The following ST6GALNAC3 variants were observed in gnomAD, a reference collection of about 807,000 sequenced individuals.
ST6GALNAC3 encodes the protein alpha-N-acetylgalactosaminide alpha-2,6-sialyltransferase 3.
ST6GALNAC3 carries 25 observed loss-of-function variants against 32.7 expected under a neutral mutation model. That is an observed-to-expected ratio of 0.76 (90% CI 0.56 to 1.07). The LOEUF is 1.07. Among genes scored for constraint, ST6GALNAC3 ranks in the 50% least tolerant of loss-of-function variants. The pLI, the probability that ST6GALNAC3 is intolerant of heterozygous loss-of-function variation, is 0.00. For synonymous variants in ST6GALNAC3, 129 were observed against 133.1 expected, an observed-to-expected ratio of 0.97 and a Z score of 0.21; for missense variants, 355 against 382.4, an observed-to-expected ratio of 0.93 and a Z score of 0.60.
chr1:76,271,829 G>C (rs79412138), intron 1 of ST6GALNAC3, among the ~76,000 whole-genome samples: 3 of 152,132 alleles, frequency 2.0e-5, no homozygotes, highest in Admixed American at 2.0e-4. Flanking sequence ...TGGCAGTAGA[G>C]GTGGTGAGAA....
chr1:76,315,420 C>G (rs1442339648), intron 2 of ST6GALNAC3, among the ~76,000 whole-genome samples: 1 of 152,034 alleles, frequency 6.6e-6, no homozygotes, highest in Non-Finnish European at 1.5e-5. Context: ...TATCAAAGAC[C>G]CTTTCATTTC....
intron 3 of ST6GALNAC3, among the ~76,000 whole-genome samples, chr1:76,469,073 A>G (rs1272528047): frequency 2.0e-5 from 3 of 152,106 alleles, no homozygotes; most frequent in Non-Finnish European, 4.4e-5. Context: ...AAATAATGTT[A>G]TTTGTGCAGA....
At chr1:76,112,337 A>C (rs1291654725) in intron 1 of ST6GALNAC3, among the ~76,000 whole-genome samples, 1 of 113,364 alleles carries the variant, frequency 8.8e-6, no homozygotes, top group South Asian at 3.0e-4. Context: ...GGCGCCCCTC[A>C]CCTCCCGGAC....
At chr1:76,192,407 C>T (rs892240061) in intron 1 of ST6GALNAC3, among the ~76,000 whole-genome samples, 5 of 152,120 alleles carry the variant, frequency 3.3e-5, no homozygotes, top group Admixed American at 6.5e-5. Context: ...GCTCTCTAGT[C>T]GACTTGGAAA....
At chr1:76,302,867 A>G (rs1460084298) in intron 1 of ST6GALNAC3, among the ~76,000 whole-genome samples, 1 of 152,014 alleles carries the variant, frequency 6.6e-6, no homozygotes. Flanking sequence ...CAACAAAAGC[A>G]GAGACTTATT....
intron 1 of ST6GALNAC3, among the ~76,000 whole-genome samples, chr1:76,081,780 C>T (rs1196707191): frequency 6.6e-6 from 1 of 152,110 alleles, no homozygotes; most frequent in Non-Finnish European, 1.5e-5. Context: ...TGGGAAGAGA[C>T]ACTAGCATTT....
At chr1:76,439,668 T>C (rs896934521) in intron 3 of ST6GALNAC3, among the ~76,000 whole-genome samples, 1 of 152,172 alleles carries the variant, frequency 6.6e-6, no homozygotes, top group African/African-American at 2.4e-5. Context: ...TTTTTTTATC[T>C]GGGTTCATGC....
intron 2 of ST6GALNAC3, among the ~76,000 whole-genome samples, chr1:76,390,468 A>G (rs1176335662): frequency 6.6e-6 from 1 of 152,234 alleles, no homozygotes; most frequent in Non-Finnish European, 1.5e-5. Flanking sequence ...CAAATTCCAA[A>G]ACTTAGCTAC....
chr1:76,451,223 G>A (rs1657378265), intron 3 of ST6GALNAC3, among the ~76,000 whole-genome samples: 1 of 152,164 alleles, frequency 6.6e-6, no homozygotes, highest in Non-Finnish European at 1.5e-5. Context: ...CCTGAGACTG[G>A]GTAATTTAGA....
At chr1:76,227,886 T>C (rs1656164501) in intron 1 of ST6GALNAC3, among the ~76,000 whole-genome samples, 1 of 152,178 alleles carries the variant, frequency 6.6e-6, no homozygotes, top group Admixed American at 6.5e-5. Context: ...ATGGAAAGCT[T>C]GGGAAATATT....
At chr1:76,306,229 T>C (rs901933762) in intron 1 of ST6GALNAC3, among the ~76,000 whole-genome samples, 21 of 152,068 alleles carry the variant, frequency 1.4e-4, no homozygotes, top group African/African-American at 5.1e-4. Flanking sequence ...TCAGGGAAAA[T>C]AAAGCAATTA....
intron 2 of ST6GALNAC3, among the ~76,000 whole-genome samples, chr1:76,367,255 A>T (rs560693620): frequency 1.3e-5 from 2 of 152,254 alleles, no homozygotes; most frequent in East Asian, 3.9e-4. Flanking sequence ...ACATTAAGTA[A>T]ATATGTATTG....
At position 76,629,238 on chromosome 1, in the gene ST6GALNAC3, A is replaced by G. The variant is rs1247834450; in HGVS notation, c.*432A>G. On this transcript the variant is annotated 3_prime_UTR_variant, in exon 5 of 5. Coordinates refer to ENST00000328299, the MANE Select transcript of ST6GALNAC3 (RefSeq NM_152996.4). ...GAATCTCAGCAGTTCCGCCATCTTGAAGAATGATTGATTGTCAAACACTGA... is the reference window on the plus strand; with the variant it reads ...GAATCTCAGCAGTTCCGCCATCTTGGAGAATGATTGATTGTCAAACACTGA... 2.0e-6 allele frequency: 2 copies of G among 997,426 alleles called. No individual in the cohort carries two copies. Among genetic ancestry groups the G allele is most frequent in the Non-Finnish European group, 2.4e-6 (2 of 838,764 alleles). 61.8% of individuals were successfully genotyped at this position (997,426 alleles called of 1,614,324 possible). A position where few individuals can be genotyped will look rare whatever the true frequency, so the allele number is the denominator to read the frequency against.
At chr1:76,259,079 A>T (rs1343633707) in intron 1 of ST6GALNAC3, among the ~76,000 whole-genome samples, 1 of 152,200 alleles carries the variant, frequency 6.6e-6, no homozygotes, top group African/African-American at 2.4e-5. Context: ...TCGCTCACGA[A>T]AATAAAAGAT....
chr1:76,397,071 A>G (rs1653022274), intron 2 of ST6GALNAC3, among the ~76,000 whole-genome samples: 3 of 152,210 alleles, frequency 2.0e-5, no homozygotes, highest in Admixed American at 2.0e-4. Flanking sequence ...GAAGATTTAA[A>G]GTAGTTTAAA....
chr1:76,487,328 C>G (rs1660190208), intron 3 of ST6GALNAC3, among the ~76,000 whole-genome samples: 2 of 152,160 alleles, frequency 1.3e-5, no homozygotes, highest in South Asian at 4.1e-4. Context: ...TGTTTTCCAA[C>G]TTGGTTCCAT....
At chr1:76,432,990 CT>C (rs1212257733) in intron 3 of ST6GALNAC3, among the ~76,000 whole-genome samples, 1 of 152,090 alleles carries the variant, frequency 6.6e-6, no homozygotes, top group African/African-American at 2.4e-5. Flanking sequence ...TGACAAAAAC[CT>C]TTTGCCACCC....
At chr1:76,320,922 T>C (rs527796331) in intron 2 of ST6GALNAC3, among the ~76,000 whole-genome samples, 155 of 151,928 alleles carry the variant, frequency 1.0e-3, no homozygotes, top group Non-Finnish European at 1.9e-3. Flanking sequence ...ATTAAAATGG[T>C]ATGTAAAATG....
At chr1:76,611,094 T>C (rs928076302) in intron 3 of ST6GALNAC3, among the ~76,000 whole-genome samples, 10 of 151,666 alleles carry the variant, frequency 6.6e-5, no homozygotes, top group Non-Finnish European at 1.2e-4. Flanking sequence ...CACACACACA[T>C]ATATCCTTAG....
Sources: allele counts gnomAD v4.1 joint callset (sites outside exome capture counted in the v4.1 genomes callset), GRCh38; gene constraint gnomAD v4.1.1; transcripts MANE v1.5; gene names NCBI Gene and HGNC (gene_info 2026-07-23, HGNC 2026-07-21).